Variants in ERC2 observed in about 807,000 individuals in gnomAD.
The protein encoded by ERC2 is ELKS/RAB6-interacting/CAST family member 2, also known as ERC protein 2.
In ERC2, 42 loss-of-function variants were observed where a neutral mutation model predicts 114.8. The observed-to-expected ratio is 0.37, with a 90% CI of 0.29 to 0.47. The LOEUF (loss-of-function observed/expected upper bound fraction) is 0.47, where lower values mean the gene tolerates loss of function less well. Ranked by LOEUF, ERC2 falls within the 20% of genes least tolerant of loss-of-function variation. The pLI, the probability that ERC2 is intolerant of heterozygous loss-of-function variation, is 0.99. For missense variants in ERC2, 939 were observed against 1,150.7 expected, an observed-to-expected ratio of 0.82 and a Z score of 2.66; for synonymous variants, 454 against 425.5, an observed-to-expected ratio of 1.07 and a Z score of -0.82.
chr3:55,629,812 A>G (rs898896493), intron 17 of ERC2, among the ~76,000 whole-genome samples: 2 of 152,230 alleles, frequency 1.3e-5, no homozygotes, highest in African/African-American at 4.8e-5. Flanking sequence ...GACAGACAGG[A>G]CCTGGAGGGT....
chr3:56,032,933 A>AAGAAAC (rs751157940), intron 7 of ERC2, among the ~76,000 whole-genome samples: 1 of 98,562 alleles, frequency 1.0e-5, no homozygotes, highest in Non-Finnish European at 2.2e-5. Context: ...GAAAGAAAGA[A>AAGAAAC]AGAAAGAAAG....
intron 3 of ERC2, among the ~76,000 whole-genome samples, chr3:56,285,438 C>A (rs1012234239): frequency 1.3e-5 from 2 of 152,050 alleles, no homozygotes; most frequent in African/African-American, 2.4e-5. Flanking sequence ...CAGCCCCACA[C>A]AACAATCACC....
chr3:55,578,565 A>G (rs945632786), intron 17 of ERC2, among the ~76,000 whole-genome samples: 1 of 152,250 alleles, frequency 6.6e-6, no homozygotes, highest in Admixed American at 6.5e-5. Context: ...CTTATAAAAA[A>G]TACAGTGAAA....
intron 14 of ERC2, among the ~76,000 whole-genome samples, chr3:55,834,951 A>G (rs1005465958): frequency 3.3e-5 from 5 of 151,082 alleles, no homozygotes; most frequent in African/African-American, 1.2e-4. Context: ...ACAAACTACC[A>G]TCAGAGAATA....
intron 6 of ERC2, among the ~76,000 whole-genome samples, chr3:56,088,172 T>C (rs931274736): frequency 6.6e-6 from 1 of 152,130 alleles, no homozygotes; most frequent in African/African-American, 2.4e-5. Context: ...AGATACAAGA[T>C]GGCAGAACCT....
chr3:55,891,855 C>A (rs1043728778), intron 13 of ERC2, among the ~76,000 whole-genome samples: 37 of 152,218 alleles, frequency 2.4e-4, no homozygotes, highest in Non-Finnish European at 4.9e-4. Flanking sequence ...TTGCAGACCA[C>A]AAGTAACTCC....
chr3:56,147,289 A>T (rs958618522), intron 5 of ERC2, among the ~76,000 whole-genome samples: 1 of 152,186 alleles, frequency 6.6e-6, no homozygotes, highest in Non-Finnish European at 1.5e-5. Flanking sequence ...AGGACTGCGC[A>T]GGGAAACTTA....
At chr3:56,335,110 T>C (rs900744664) in intron 2 of ERC2, among the ~76,000 whole-genome samples, 5 of 152,148 alleles carry the variant, frequency 3.3e-5, no homozygotes, top group Non-Finnish European at 7.4e-5. Flanking sequence ...CAGCCTAAAA[T>C]GCTATTTCTA....
chr3:55,625,426 A>C (rs1409161130), intron 17 of ERC2, among the ~76,000 whole-genome samples: 1 of 151,690 alleles, frequency 6.6e-6, no homozygotes, highest in East Asian at 1.9e-4. Flanking sequence ...AAAAAAAAAA[A>C]AGTAAGTGCT....
chr3:55,835,574 A>C (rs563977334), intron 14 of ERC2, among the ~76,000 whole-genome samples: 4 of 152,348 alleles, frequency 2.6e-5, no homozygotes, highest in African/African-American at 9.6e-5. Flanking sequence ...AAAAACTCTC[A>C]ATAAATTAGG....
At chr3:56,047,090 G>A (rs1375746565) in intron 7 of ERC2, among the ~76,000 whole-genome samples, 3 of 152,112 alleles carry the variant, frequency 2.0e-5, no homozygotes, top group Non-Finnish European at 2.9e-5. Flanking sequence ...TTTCCTAGGA[G>A]GCTAGTCTTG....
At chr3:56,238,693 A>C (rs141957512) in intron 3 of ERC2, among the ~76,000 whole-genome samples, 185 of 152,292 alleles carry the variant, frequency 1.2e-3, no homozygotes, top group African/African-American at 4.4e-3. Context: ...CTCTGTTAGC[A>C]CTTCTCCAGG....
At chr3:55,549,477 CTT>C (rs11404043) in intron 17 of ERC2, among the ~76,000 whole-genome samples, 21 of 123,176 alleles carry the variant, frequency 1.7e-4, no homozygotes, top group African/African-American at 5.7e-4. Flanking sequence ...GCCGCCTTAC[CTT>C]TTTTTTTTTT....
At chr3:56,380,183 C>T (rs1183677511) in intron 2 of ERC2, among the ~76,000 whole-genome samples, 1 of 152,138 alleles carries the variant, frequency 6.6e-6, no homozygotes, top group Non-Finnish European at 1.5e-5. Flanking sequence ...CATTATCTCA[C>T]TTATTCTTGA....
At chr3:55,706,424 G>C (rs1346809261) in intron 15 of ERC2, among the ~76,000 whole-genome samples, 1 of 151,894 alleles carries the variant, frequency 6.6e-6, no homozygotes, top group African/African-American at 2.4e-5. Flanking sequence ...TTGAGACAGA[G>C]TCTTGCCTGT....
chr3:55,725,402 G>T (rs1364258560), intron 15 of ERC2, among the ~76,000 whole-genome samples: 1 of 152,154 alleles, frequency 6.6e-6, no homozygotes, highest in Admixed American at 6.5e-5. Flanking sequence ...CAAAAGGTGG[G>T]CTACAGATTG....
intron 3 of ERC2, among the ~76,000 whole-genome samples, chr3:56,196,724 T>C (rs1475563647): frequency 6.6e-6 from 1 of 152,192 alleles, no homozygotes; most frequent in African/African-American, 2.4e-5. Context: ...ACTTTCATCA[T>C]CTGTGGCTTG....
chr3:56,221,342 T>C (rs1427579320), intron 3 of ERC2, among the ~76,000 whole-genome samples: 1 of 151,722 alleles, frequency 6.6e-6, no homozygotes, highest in East Asian at 1.9e-4. Flanking sequence ...CTGGTTTTGG[T>C]TATAGAATTC....
rs188227168 is a variant in ERC2 at position 55,970,574 on chromosome 3, A to C, written c.2267+15403T>G. Among the ~76,000 whole-genome samples the C allele has an allele frequency of 9.2e-5, 14 of 152,322 alleles. No homozygotes were observed. The East Asian group carries it at 2.7e-3, about 29-fold the overall frequency. On this transcript the variant is annotated intron_variant, in intron 12 of 17. Transcript: ENST00000288221. ...CAAATAAGATATACAAATGGCCAAT[A>C]AGACCATGAAAAGATCTTCAATCTC...
Sources: gnomAD v4.1 joint callset for allele counts (sites outside exome capture counted in the v4.1 genomes callset) on GRCh38, gnomAD v4.1.1 for gene constraint, MANE v1.5 for transcripts, NCBI Gene and HGNC (gene_info 2026-07-23, HGNC 2026-07-21) for gene names.